Variants in TJP2 observed in about 807,000 individuals in gnomAD.
The protein encoded by TJP2 is tight junction protein 2.
TJP2 carries 91 observed loss-of-function variants against 133.1 expected under a neutral mutation model. The ratio of observed to expected loss-of-function variants is 0.68; its 90% CI spans 0.58 to 0.81. TJP2 has a LOEUF of 0.81. Among genes scored for constraint, TJP2 ranks in the 40% least tolerant of loss-of-function variants. The probability of loss-of-function intolerance (pLI) is 0.00; values close to 1 mark genes in which losing one functional copy is unlikely to be tolerated. For synonymous variants in TJP2, 592 were observed against 583.4 expected, an observed-to-expected ratio of 1.01 and a Z score of -0.21; for missense variants, 1,541 against 1,565.6, an observed-to-expected ratio of 0.98 and a Z score of 0.26.
intron 1 of TJP2, among the ~76,000 whole-genome samples, chr9:69,189,409 C>T (rs9411200): frequency 0.46 from 70,596 of 152,010 alleles, 16,655 homozygotes; most frequent in South Asian, 0.53. Flanking sequence ...TTTCTGTGGG[C>T]AGTCTAAGGT....
At chr9:69,137,287 C>CT (rs1277196928) in intron 1 of TJP2, among the ~76,000 whole-genome samples, 1,464 of 87,818 alleles carry the variant, frequency 0.017, 17 homozygotes, top group Admixed American at 0.034. Context: ...TTCTTTCTTT[C>CT]TTTCTTTCTT....
At chr9:69,145,690 C>T (rs1823183546) in intron 1 of TJP2, 1 of 1,225,244 alleles carries the variant, frequency 8.2e-7, no homozygotes, top group African/African-American at 1.6e-5. Flanking sequence ...GGACCTTGTA[C>T]CGAGAGAGAC....
At chr9:69,238,057 C>T (rs1043963460) in intron 15 of TJP2, 84 bp downstream of exon 15, 1 of 921,722 alleles carries the variant, frequency 1.1e-6, no homozygotes, top group Non-Finnish European at 1.8e-6. Context: ...CATGAACACC[C>T]ACGTACCCTT....
chr9:69,219,407 A>G (rs574058229), intron 4 of TJP2, among the ~76,000 whole-genome samples: 1 of 152,214 alleles, frequency 6.6e-6, no homozygotes, highest in Non-Finnish European at 1.5e-5. Context: ...CTCTGTATGT[A>G]TATAAACACT....
chr9:69,221,503 A>C lies in TJP2; in HGVS notation c.952+7A>C, dbSNP rs745674923. ...AAAAGCAGAGCGAACGAAGGTAGGC[A>C]TGCTTGATGTGGGAAGAAAAGCACT... On this transcript the variant is annotated splice_region_variant and intron_variant, in intron 5 of 22. Coordinates refer to ENST00000377245, the MANE Select transcript of TJP2 (RefSeq NM_004817.4). The C allele has an allele frequency of 6.2e-7, 1 of 1,601,652 alleles. No homozygotes were observed.
Position 69,239,829 on chromosome 9 carries a change from CAAACAA to C in TJP2, c.2356-106_2356-101del, listed in dbSNP as rs546540666. 294 of 989,768 alleles carry C rather than the reference CAAACAA, an allele frequency of 3.0e-4. 3 individuals carry two copies. The African/African-American group carries it at 4.5e-3, about 15-fold the overall frequency. 61.3% of individuals were successfully genotyped at this position (989,768 alleles called of 1,614,324 possible). On this transcript the variant is annotated intron_variant, in intron 16 of 22. Coordinates refer to ENST00000377245, the MANE Select transcript of TJP2 (RefSeq NM_004817.4). ...AATCTATCCCAAATAAGTAAACAAA[CAAACAA>C]ACAAGATATATCTCATACAGCCTTT...
chr9:69,252,311 G>T (rs146504295), intron 21 of TJP2, among the ~76,000 whole-genome samples: 1 of 152,054 alleles, frequency 6.6e-6, no homozygotes, highest in Non-Finnish European at 1.5e-5. Context: ...ATTTTAAAAC[G>T]TTCGGTTCAG....
Position 69,230,191 on chromosome 9 carries a change from G to A in TJP2, c.1630G>A (p.Ala544Thr). 6.2e-7 allele frequency: 1 copy of A among 1,614,202 alleles called. No individual in the cohort carries two copies. The highest frequency in any genetic ancestry group is 8.5e-7 in the Non-Finnish European group (1 of 1,180,026). ...FVAGIQEGTS[A>T]EQEGLQEGDQ... is the part of the protein sequence containing the mutation. ...TGCTGGCATTCAAGAAGGGACCTCG[G>A]CGGAGCAGGAGGGCCTTCAAGAAGG... The change falls in exon 11 of 23, where the codon GCG (alanine) becomes ACG (threonine). Residue 544 changes from alanine to threonine, a missense_variant. Coordinates refer to ENST00000377245, the MANE Select transcript of TJP2 (RefSeq NM_004817.4).
rs150452125 is a variant in TJP2 at position 69,196,927 on chromosome 9, ATGTG to A, written c.61-15605_61-15602del. Among the ~76,000 whole-genome samples, 819 of 144,132 alleles carry A rather than the reference ATGTG, an allele frequency of 5.7e-3. 8 individuals carry two copies. Among genetic ancestry groups the A allele is most frequent in the Middle Eastern group, 0.01 (3 of 286 alleles). 94.6% of individuals were successfully genotyped at this position (144,132 alleles called of 152,430 possible). ...TTTCTTTTGCTTGTTTTATATATAT[ATGTG>A]TGTGTGTGTGTGTGTACACACACAC... On this transcript the variant is annotated intron_variant, in intron 1 of 22. Coordinates refer to ENST00000377245, the MANE Select transcript of TJP2 (RefSeq NM_004817.4).
chr9:69,237,138 T>A lies in TJP2; in HGVS notation c.2179+2T>A. 2 of 1,613,930 alleles carry A rather than the reference T, an allele frequency of 1.2e-6. No homozygotes were observed. The highest frequency in any genetic ancestry group is 1.7e-6 in the Non-Finnish European group (2 of 1,179,908). On this transcript the variant is annotated splice_donor_variant, in intron 14 of 22. Coordinates refer to ENST00000377245, the MANE Select transcript of TJP2 (RefSeq NM_004817.4). LOFTEE classifies it high-confidence loss of function. The stretch of plus-strand genomic sequence containing the variant: ...ATGAGAGGGTTTTGCTGCGAGAAGG[T>A]GAGGAAGTCACATGGGGCCTGGAAA...
In TJP2 at chr9:69,211,470, G is replaced by C. The variant is rs112054786; in HGVS notation, c.61-1078G>C. On this transcript the variant is annotated intron_variant, in intron 1 of 22. Coordinates refer to ENST00000377245, the MANE Select transcript of TJP2 (RefSeq NM_004817.4). ...ATGTTTCTTTTACCTCTCACTCATG[G>C]TGATGTGCATGTTTAAATTGTGGGC... is the stretch of plus-strand genomic sequence containing the variant. Among the ~76,000 whole-genome samples the C allele has an allele frequency of 1.7e-3, 252 of 152,250 alleles. 1 individual carries two copies. The highest frequency in any genetic ancestry group is 5.9e-3 in the African/African-American group (244 of 41,538).
Position 69,226,193 on chromosome 9 carries a change from T to C in TJP2, c.1210+18T>C. 1.2e-6 allele frequency: 2 copies of C among 1,613,690 alleles called. No individual in the cohort carries two copies. Among genetic ancestry groups the C allele is most frequent in the Non-Finnish European group, 1.7e-6 (2 of 1,179,792 alleles). ...AATAGAAGGTAAAGGAAGAGGAGGC[T>C]GTGAGCTTAGCTGGAAGTAAGGAAG... On this transcript the variant is annotated intron_variant, in intron 7 of 22. Transcript: ENST00000377245.
chr9:69,122,170 T>G (rs1024961795), intron 1 of TJP2: 5 of 152,230 alleles, frequency 3.3e-5, no homozygotes, highest in African/African-American at 1.2e-4. Context: ...TGGAAACTGT[T>G]TCACTTTCTG....
At chr9:69,213,560 T>G (rs886379176) in intron 2 of TJP2, among the ~76,000 whole-genome samples, 4 of 152,190 alleles carry the variant, frequency 2.6e-5, no homozygotes, top group Non-Finnish European at 5.9e-5. Flanking sequence ...TCTATGAAAA[T>G]TAAAGACATT....
chr9:69,191,273 A>G (rs1042423353), intron 1 of TJP2, among the ~76,000 whole-genome samples: 2 of 152,262 alleles, frequency 1.3e-5, no homozygotes, highest in Admixed American at 6.5e-5. Flanking sequence ...TAGAAAGGCT[A>G]TAAAACTGCA....
intron 1 of TJP2, among the ~76,000 whole-genome samples, chr9:69,184,896 T>C (rs1034564634): frequency 2.6e-5 from 4 of 151,088 alleles, no homozygotes; most frequent in African/African-American, 9.8e-5. Context: ...ACCACGGGCA[T>C]GCGCCACCAT....
intron 17 of TJP2, among the ~76,000 whole-genome samples, chr9:69,243,791 T>C (rs1461673285): frequency 3.0e-4 from 45 of 152,190 alleles, no homozygotes; most frequent in Non-Finnish European, 4.4e-5. Flanking sequence ...TGCTGTTGCA[T>C]GCCCATTTAG....
chr9:69,243,955 G>T (rs1218561633), intron 17 of TJP2, among the ~76,000 whole-genome samples: 1 of 152,104 alleles, frequency 6.6e-6, no homozygotes, highest in Non-Finnish European at 1.5e-5. Context: ...AGGCCAAGGT[G>T]GGCAGGTCAC....
intron 1 of TJP2, among the ~76,000 whole-genome samples, chr9:69,199,518 A>G (rs1312231685): frequency 6.6e-6 from 1 of 150,526 alleles, no homozygotes; most frequent in African/African-American, 2.5e-5. Context: ...CGACAGAACA[A>G]GATCCTGTCT....
Sources: gnomAD v4.1 joint callset for allele counts (sites outside exome capture counted in the v4.1 genomes callset) on GRCh38, gnomAD v4.1.1 for gene constraint, MANE v1.5 for transcripts, NCBI Gene and HGNC (gene_info 2026-07-23, HGNC 2026-07-21) for gene names.